Variants in PRUNE2 observed in about 807,000 individuals in gnomAD.
The protein encoded by PRUNE2 is protein prune homolog 2.
Under a neutral mutation model 252.0 loss-of-function variants are expected in PRUNE2, and 164 were observed. That is an observed-to-expected ratio of 0.65 (90% CI 0.57 to 0.74). The LOEUF (loss-of-function observed/expected upper bound fraction) is 0.74. Among genes scored for constraint, PRUNE2 ranks in the 30% least tolerant of loss-of-function variants. PRUNE2 has a pLI of 0.00. For missense variants in PRUNE2, 3,495 were observed against 3,711.0 expected (o/e 0.94, Z 1.51); for synonymous variants, 1,292 against 1,350.2 (o/e 0.96, Z 0.94).
chr9:76,864,257 G>T (rs2060711009), intron 1 of PRUNE2, among the ~76,000 whole-genome samples: 1 of 152,114 alleles, frequency 6.6e-6, no homozygotes, highest in Non-Finnish European at 1.5e-5. Context: ...ACTCTACATG[G>T]ATGTAAATGT....
chr9:76,738,122 C>A (rs73650998), intron 6 of PRUNE2: 1 of 151,962 alleles, frequency 6.6e-6, no homozygotes, highest in African/African-American at 2.4e-5. Context: ...TGACCAATCA[C>A]TTTGGTTTAG....
At chr9:76,872,642 C>CACACACAT (rs1248594638) in intron 1 of PRUNE2, among the ~76,000 whole-genome samples, 3 of 150,992 alleles carry the variant, frequency 2.0e-5, no homozygotes, top group African/African-American at 7.3e-5. Context: ...CACACACACA[C>CACACACAT]ACCCTCACAC....
chr9:76,627,547 A>C lies in PRUNE2; in HGVS notation c.9149+1645T>G, dbSNP rs1421306959. ...GCTAATGAGGGTTGAAGCCGTCATTAGGATCTAATGAACACTCCGTTTGAT... is the reference window on the plus strand; with the variant it reads ...GCTAATGAGGGTTGAAGCCGTCATTCGGATCTAATGAACACTCCGTTTGAT... On this transcript the variant is annotated intron_variant, in intron 16 of 18. Transcript: ENST00000376718. 1.3e-5 allele frequency among the ~76,000 whole-genome samples: 2 copies of C among 152,192 alleles called. 1 individual carries two copies. The highest frequency in any genetic ancestry group is 4.8e-5 in the African/African-American group (2 of 41,450).
intron 17 of PRUNE2, among the ~76,000 whole-genome samples, chr9:76,621,153 AG>A (rs1467151771): frequency 6.6e-6 from 1 of 152,178 alleles, no homozygotes; most frequent in Non-Finnish European, 1.5e-5. Flanking sequence ...TCCCTGACCA[AG>A]TGTACGTTTG....
intron 6 of PRUNE2, among the ~76,000 whole-genome samples, chr9:76,774,452 T>TTATTTATTTATTTATTTATTTA (rs1564272412): frequency 9.3e-6 from 1 of 107,250 alleles, no homozygotes; most frequent in Non-Finnish European, 1.9e-5. Context: ...GTTCAACCCT[T>TTATTTATTTATTTATTTATTTA]TTTTTTTTTT....
At chr9:76,699,833 T>A (rs145380734) in intron 9 of PRUNE2, among the ~76,000 whole-genome samples, 55 of 152,362 alleles carry the variant, frequency 3.6e-4, no homozygotes, top group Non-Finnish European at 5.6e-4. Flanking sequence ...CATGCTTTCT[T>A]TAAAATAAAC....
intron 6 of PRUNE2, among the ~76,000 whole-genome samples, chr9:76,719,122 AT>A (rs1032814309): frequency 2.8e-5 from 4 of 145,168 alleles, no homozygotes; most frequent in East Asian, 3.9e-4. Flanking sequence ...GCTTTATTTT[AT>A]TTTTTTTCCA....
At chr9:76,624,253 C>T (rs1833707445) in intron 17 of PRUNE2, among the ~76,000 whole-genome samples, 199 bp downstream of exon 17, 1 of 152,110 alleles carries the variant, frequency 6.6e-6, no homozygotes, top group African/African-American at 2.4e-5. Flanking sequence ...ATACATTCCT[C>T]AGTATAAGCA....
intron 17 of PRUNE2, among the ~76,000 whole-genome samples, chr9:76,622,604 C>T (rs1043534652): frequency 6.6e-6 from 1 of 152,106 alleles, no homozygotes. Flanking sequence ...TGAAAGAGAA[C>T]TCTCACTGAG....
At chr9:76,900,542 G>T (rs2063108125) in intron 1 of PRUNE2, among the ~76,000 whole-genome samples, 1 of 152,124 alleles carries the variant, frequency 6.6e-6, no homozygotes, top group South Asian at 2.1e-4. Flanking sequence ...TGCAGGTTGT[G>T]TACTATACAA....
intron 9 of PRUNE2, among the ~76,000 whole-genome samples, chr9:76,676,977 A>G (rs761494442): frequency 1.6e-4 from 25 of 152,224 alleles, no homozygotes; most frequent in Non-Finnish European, 2.5e-4. Flanking sequence ...TCATCTTCAC[A>G]AATATTTTCT....
At chr9:76,713,776 G>A (rs866885577) in intron 6 of PRUNE2, 55 bp from the exon 7 acceptor site, 4 of 1,319,818 alleles carry the variant, frequency 3.0e-6, no homozygotes, top group Non-Finnish European at 4.2e-6. Flanking sequence ...GCTGCGGGGA[G>A]TTGTTCCACA....
chr9:76,867,281 T>C (rs1022791787), intron 1 of PRUNE2, among the ~76,000 whole-genome samples: 5 of 137,980 alleles, frequency 3.6e-5, no homozygotes, highest in African/African-American at 1.4e-4. Context: ...GCGGAGAGGG[T>C]AGGGGAGAAC....
At chr9:76,668,887 G>T (rs774346766) in intron 9 of PRUNE2, among the ~76,000 whole-genome samples, 5 of 149,968 alleles carry the variant, frequency 3.3e-5, no homozygotes, top group Non-Finnish European at 7.4e-5. Flanking sequence ...AATTCTGGAG[G>T]TTGGAAGTCT....
intron 15 of PRUNE2, among the ~76,000 whole-genome samples, chr9:76,633,840 G>T (rs377519300): frequency 1.3e-5 from 2 of 152,294 alleles, no homozygotes; most frequent in East Asian, 1.9e-4. Flanking sequence ...TTCAGGCTGG[G>T]CATGGTGGCT....
chr9:76,764,138 C>A (rs542921171), intron 6 of PRUNE2, among the ~76,000 whole-genome samples: 1 of 152,192 alleles, frequency 6.6e-6, no homozygotes, highest in Non-Finnish European at 1.5e-5. Context: ...GTGTTTCTGG[C>A]ACTGTTCTAG....
chr9:76,791,865 A>C (rs1396060620), intron 6 of PRUNE2, among the ~76,000 whole-genome samples: 1 of 152,188 alleles, frequency 6.6e-6, no homozygotes, highest in Non-Finnish European at 1.5e-5. Flanking sequence ...AAAGGAAAGC[A>C]AGAAAGCTGA....
chr9:76,643,408 CA>C (rs976472388), intron 12 of PRUNE2, among the ~76,000 whole-genome samples: 19 of 152,028 alleles, frequency 1.2e-4, no homozygotes, highest in Admixed American at 2.6e-4. Flanking sequence ...GAAAACAAAC[CA>C]AAAATATCTG....
At chr9:76,717,085 C>A (rs2047217655) in intron 6 of PRUNE2, among the ~76,000 whole-genome samples, 1 of 152,168 alleles carries the variant, frequency 6.6e-6, no homozygotes, top group African/African-American at 2.4e-5. Context: ...TTCCACAGGA[C>A]CAAATGAAGC....
Sources: allele counts gnomAD v4.1 joint callset (sites outside exome capture counted in the v4.1 genomes callset), GRCh38; gene constraint gnomAD v4.1.1; transcripts MANE v1.5; gene names NCBI Gene and HGNC (gene_info 2026-07-23, HGNC 2026-07-21).